Variants in DACH1 observed in about 807,000 individuals in gnomAD.
The protein encoded by DACH1 is dachshund homolog 1.
In DACH1, 12 loss-of-function variants were observed where a neutral mutation model predicts 54.2. The ratio of observed to expected loss-of-function variants is 0.22; its 90% CI spans 0.14 to 0.36. The LOEUF is 0.36. Ranked by LOEUF, DACH1 falls within the 10% of genes least tolerant of loss-of-function variation. The probability of loss-of-function intolerance (pLI) is 1.00; values close to 1 mark genes in which losing one functional copy is unlikely to be tolerated. For missense variants in DACH1, 805 were observed against 929.8 expected, an observed-to-expected ratio of 0.87 and a Z score of 1.75; for synonymous variants, 386 against 366.2, an observed-to-expected ratio of 1.05 and a Z score of -0.62.
At chr13:71,814,219 T>C (rs1297663299) in intron 1 of DACH1, among the ~76,000 whole-genome samples, 1 of 152,222 alleles carries the variant, frequency 6.6e-6, no homozygotes, top group Non-Finnish European at 1.5e-5. Flanking sequence ...AATGAAACTT[T>C]CTGGTTGCTG....
intron 1 of DACH1, among the ~76,000 whole-genome samples, chr13:71,802,101 T>G (rs1797024041): frequency 6.6e-6 from 1 of 152,058 alleles, no homozygotes; most frequent in East Asian, 1.9e-4. Flanking sequence ...CAGGGCTAGA[T>G]CCTCAGTAAG....
intron 3 of DACH1, among the ~76,000 whole-genome samples, chr13:71,599,656 T>G (rs964875306): frequency 1.3e-5 from 2 of 152,106 alleles, no homozygotes; most frequent in Non-Finnish European, 2.9e-5. Context: ...ATGATAAACC[T>G]CCTTACTTTC....
At chr13:71,772,658 T>C (rs1566491021) in intron 1 of DACH1, among the ~76,000 whole-genome samples, 1 of 151,746 alleles carries the variant, frequency 6.6e-6, no homozygotes, top group Non-Finnish European at 1.5e-5. Context: ...ATGTAGGACA[T>C]AATGTAAAAA....
intron 2 of DACH1, among the ~76,000 whole-genome samples, chr13:71,652,439 C>A (rs1482133100): frequency 6.6e-6 from 1 of 152,094 alleles, no homozygotes; most frequent in African/African-American, 2.4e-5. Context: ...TGTCCCTCAC[C>A]TACCTTTCCA....
At chr13:71,718,195 A>G (rs1375968551) in intron 1 of DACH1, among the ~76,000 whole-genome samples, 1 of 152,152 alleles carries the variant, frequency 6.6e-6, no homozygotes, top group Non-Finnish European at 1.5e-5. Context: ...CTAACCAAAT[A>G]AAAGACAGAT....
intron 1 of DACH1, among the ~76,000 whole-genome samples, chr13:71,711,453 A>T (rs1164373597): frequency 1.3e-5 from 2 of 152,178 alleles, no homozygotes; most frequent in African/African-American, 4.8e-5. Context: ...CTCTGAATTC[A>T]TAAGTCATAA....
chr13:71,828,336 G>T (rs576830983), intron 1 of DACH1, among the ~76,000 whole-genome samples: 4 of 151,942 alleles, frequency 2.6e-5, no homozygotes, highest in Non-Finnish European at 4.4e-5. Context: ...GATAAGATCT[G>T]TGTCTGCTTC....
chr13:71,573,562 C>T (rs1344179490), intron 3 of DACH1: 6 of 581,100 alleles, frequency 1.0e-5, no homozygotes, highest in Non-Finnish European at 1.9e-5. Context: ...TCCCAGGAAC[C>T]ATCACTGCTG....
chr13:71,629,817 G>A (rs1212014464), intron 3 of DACH1, among the ~76,000 whole-genome samples: 1 of 152,058 alleles, frequency 6.6e-6, no homozygotes, highest in African/African-American at 2.4e-5. Context: ...CAATACAAGT[G>A]CAATAGCAGA....
chr13:71,469,962 A>C (rs756038425), intron 10 of DACH1, among the ~76,000 whole-genome samples: 6 of 152,204 alleles, frequency 3.9e-5, no homozygotes, highest in Non-Finnish European at 8.8e-5. Context: ...TTTCAAGTGA[A>C]GTCAAGATTT....
chr13:71,680,510 G>A (rs1342959081), intron 2 of DACH1, among the ~76,000 whole-genome samples: 12 of 152,136 alleles, frequency 7.9e-5, no homozygotes, highest in Admixed American at 7.9e-4. Context: ...AGGCTGAGGT[G>A]GGAGGATCTC....
At chr13:71,673,711 TAACA>T (rs1373577706) in intron 2 of DACH1, among the ~76,000 whole-genome samples, 6 of 152,182 alleles carry the variant, frequency 3.9e-5, no homozygotes, top group African/African-American at 1.4e-4. Context: ...TATACCTATG[TAACA>T]AACCGGCACG....
At chr13:71,843,141 A>G (rs762729334) in intron 1 of DACH1, among the ~76,000 whole-genome samples, 1 of 152,182 alleles carries the variant, frequency 6.6e-6, no homozygotes, top group Non-Finnish European at 1.5e-5. Flanking sequence ...TTTTGATACA[A>G]GCATGCAATG....
intron 1 of DACH1, among the ~76,000 whole-genome samples, chr13:71,817,162 G>A (rs1279813375): frequency 6.6e-6 from 1 of 152,000 alleles, no homozygotes; most frequent in Admixed American, 6.5e-5. Flanking sequence ...AAAGGAGAAA[G>A]GAAATATATA....
At chr13:71,837,663 T>C (rs1007225561) in intron 1 of DACH1, among the ~76,000 whole-genome samples, 3 of 151,772 alleles carry the variant, frequency 2.0e-5, no homozygotes, top group Non-Finnish European at 4.4e-5. Flanking sequence ...ATCCCATTAC[T>C]GGGTATATAC....
At chr13:71,764,702 G>A (rs570183477) in intron 1 of DACH1, among the ~76,000 whole-genome samples, 11 of 152,082 alleles carry the variant, frequency 7.2e-5, no homozygotes, top group Non-Finnish European at 1.6e-4. Context: ...ATAAATATAT[G>A]CACAATGCAA....
At chr13:71,750,839 G>A (rs1884889541) in intron 1 of DACH1, among the ~76,000 whole-genome samples, 1 of 152,126 alleles carries the variant, frequency 6.6e-6, no homozygotes, top group Admixed American at 6.6e-5. Flanking sequence ...AGGGGAAGGG[G>A]TGGGAGCCAT....
chr13:71,635,749 C>G (rs558943601), intron 2 of DACH1, among the ~76,000 whole-genome samples: 1 of 151,914 alleles, frequency 6.6e-6, no homozygotes, highest in South Asian at 2.1e-4. Flanking sequence ...TTTGAATTGT[C>G]TTATACTACA....
At chr13:71,849,086 A>T (rs986945417) in intron 1 of DACH1, among the ~76,000 whole-genome samples, 1 of 152,110 alleles carries the variant, frequency 6.6e-6, no homozygotes, top group African/African-American at 2.4e-5. Flanking sequence ...TCCCTTGGAT[A>T]TTAATGACAA....
Sources: gnomAD v4.1 joint callset for allele counts (sites outside exome capture counted in the v4.1 genomes callset) on GRCh38, gnomAD v4.1.1 for gene constraint, MANE v1.5 for transcripts, NCBI Gene and HGNC (gene_info 2026-07-23, HGNC 2026-07-21) for gene names.